DPY19L3: variants seen among roughly 807,000 people sequenced by gnomAD.
The protein encoded by DPY19L3 is dpy-19 like C-mannosyltransferase 3.
Under a neutral mutation model 92.3 loss-of-function variants are expected in DPY19L3, and 51 were observed. The observed-to-expected ratio is 0.55, with a 90% CI of 0.44 to 0.70. The LOEUF is 0.70. Ranked by LOEUF, DPY19L3 falls within the 30% of genes least tolerant of loss-of-function variation. The pLI is 0.00. For synonymous variants in DPY19L3, 309 were observed against 315.2 expected, an observed-to-expected ratio of 0.98 and a Z score of 0.21; for missense variants, 706 against 855.9, an observed-to-expected ratio of 0.82 and a Z score of 2.18.
At chr19:32,428,440 A>G (rs560197129) in intron 3 of DPY19L3, among the ~76,000 whole-genome samples, 26 of 152,202 alleles carry the variant, frequency 1.7e-4, no homozygotes, top group African/African-American at 6.0e-4. Flanking sequence ...CTCAACTTCT[A>G]GTACATCATG....
chr19:32,475,411 TC>T (rs1970477099), intron 16 of DPY19L3, among the ~76,000 whole-genome samples: 3 of 152,216 alleles, frequency 2.0e-5, no homozygotes, highest in Admixed American at 2.0e-4. Context: ...TCTCTCTGCA[TC>T]CTAAATCTGT....
chr19:32,409,462 A>G (rs1384543431), intron 2 of DPY19L3, among the ~76,000 whole-genome samples: 1 of 152,246 alleles, frequency 6.6e-6, no homozygotes, highest in Non-Finnish European at 1.5e-5. Context: ...TACAGACAGA[A>G]CTGTGATCAA....
Position 32,476,980 on chromosome 19 carries a change from T to TG in DPY19L3, c.1698-541dup, listed in dbSNP as rs552804826. Among the ~76,000 whole-genome samples, 18 of 152,292 alleles carry TG rather than the reference T, an allele frequency of 1.2e-4. No homozygotes were observed. In the East Asian group the frequency reaches 3.5e-3, roughly 29 times the overall value. On this transcript the variant is annotated intron_variant, in intron 16 of 18. Coordinates refer to ENST00000392250, the MANE Select transcript of DPY19L3 (RefSeq NM_001172774.2). ...AGCAAAAACCCTTGGAACTGACTCATGATCACCTGCAGTTTCTGGCTTGAT... is the reference window on the plus strand; with the variant it reads ...AGCAAAAACCCTTGGAACTGACTCATGGATCACCTGCAGTTTCTGGCTTGAT...
intron 4 of DPY19L3, among the ~76,000 whole-genome samples, chr19:32,435,598 C>CT (rs1171952316): frequency 2.0e-5 from 3 of 152,286 alleles, no homozygotes; most frequent in Middle Eastern, 3.4e-3. Flanking sequence ...TAGGAGTCTA[C>CT]TTTTTTATAA....
intron 17 of DPY19L3, 79 bp downstream of exon 17, chr19:32,477,733 G>A (rs1970555115): frequency 6.4e-7 from 1 of 1,566,834 alleles, no homozygotes; most frequent in African/African-American, 1.4e-5. Flanking sequence ...TAAAGATGGG[G>A]CTGAATGCTG....
intron 15 of DPY19L3, among the ~76,000 whole-genome samples, chr19:32,465,367 G>A (rs1970169746): frequency 1.3e-5 from 2 of 152,126 alleles, no homozygotes; most frequent in Admixed American, 6.5e-5. Context: ...AATGATCATT[G>A]GTCAGGTTGA....
chr19:32,470,284 A>G (rs911242902), intron 16 of DPY19L3, among the ~76,000 whole-genome samples: 1 of 152,372 alleles, frequency 6.6e-6, no homozygotes, highest in East Asian at 1.9e-4. Context: ...TTATTCGTGT[A>G]AAGGAAAGCT....
chr19:32,448,235 G>A (rs957461373), intron 8 of DPY19L3, among the ~76,000 whole-genome samples: 1 of 152,156 alleles, frequency 6.6e-6, no homozygotes, highest in South Asian at 2.1e-4. Flanking sequence ...TATGTGGGTC[G>A]TATGGAACAA....
At chr19:32,464,856 G>A in intron 15 of DPY19L3, 72 bp downstream of exon 15, 2 of 1,124,224 alleles carry the variant, frequency 1.8e-6, no homozygotes, top group South Asian at 1.8e-5. Flanking sequence ...AATATATTTT[G>A]TGTATTATTT....
intron 17 of DPY19L3, among the ~76,000 whole-genome samples, chr19:32,479,414 GC>G (rs1970606749): frequency 6.6e-6 from 1 of 152,084 alleles, no homozygotes. Flanking sequence ...CTAGGGTTAG[GC>G]CCCACACACT....
intron 6 of DPY19L3, 103 bp downstream of exon 6, chr19:32,437,442 T>C: frequency 7.3e-7 from 1 of 1,364,540 alleles, no homozygotes; most frequent in South Asian, 1.5e-5. Flanking sequence ...ATTTGTTTGG[T>C]TGGGAGCAGT....
Position 32,454,981 on chromosome 19 carries a change from CT to C in DPY19L3, c.1034del (p.Leu345CysfsTer10). ...AAGCTTCCTTAATAGGCTTGGGAAA[CT>C]TTTGTTACATTTATTTATGGTTTTA... The part of the protein sequence containing the change: ...TGSFLNRLGK[L>X]LLHLFMVLCL... On this transcript the variant is annotated frameshift_variant, in exon 10 of 19. Transcript: ENST00000392250. LOFTEE classifies it high-confidence loss of function. 1.9e-6 allele frequency: 3 copies of C among 1,573,046 alleles called. No homozygotes were observed. Among genetic ancestry groups the C allele is most frequent in the Non-Finnish European group, 1.7e-6 (2 of 1,168,478 alleles).
rs2145502289 is a variant in DPY19L3 at position 32,439,799 on chromosome 19, C to T, written c.744C>T (p.Phe248=). Residue 248 remains phenylalanine (F), a synonymous_variant, in exon 8 of 19, where the codon TTC becomes TTT. Coordinates refer to ENST00000392250, the MANE Select transcript of DPY19L3 (RefSeq NM_001172774.2). ...LSERLTLLAI[F]ISTFLFSLTW... is the part of the protein sequence containing the mutation. ...AGAGGCTGACACTTCTTGCCATTTT[C>T]ATATCAACTTTTCTCTTTAGTCTGA... 1.2e-6 allele frequency: 2 copies of T among 1,613,726 alleles called. No homozygotes were observed. The highest frequency in any genetic ancestry group is 1.1e-5 in the South Asian group (1 of 91,052).
At chr19:32,431,129 C>G (rs1470478842) in intron 3 of DPY19L3, among the ~76,000 whole-genome samples, 2 of 152,108 alleles carry the variant, frequency 1.3e-5, no homozygotes, top group African/African-American at 4.8e-5. Flanking sequence ...CCTGTAATCC[C>G]AGCACTTTGG....
At chr19:32,470,150 T>G (rs1970314089) in intron 16 of DPY19L3, among the ~76,000 whole-genome samples, 2 of 152,256 alleles carry the variant, frequency 1.3e-5, no homozygotes, top group Non-Finnish European at 2.9e-5. Context: ...TGAGTATAAT[T>G]TTTCACATAT....
At chr19:32,447,359 GA>G (rs1410457770) in intron 8 of DPY19L3, among the ~76,000 whole-genome samples, 1 of 152,074 alleles carries the variant, frequency 6.6e-6, no homozygotes, top group Admixed American at 6.6e-5. Context: ...TTCAAGCCAG[GA>G]GAAGAAAATA....
intron 8 of DPY19L3, among the ~76,000 whole-genome samples, chr19:32,443,844 A>C (rs1019591011): frequency 2.6e-5 from 4 of 151,976 alleles, no homozygotes; most frequent in African/African-American, 7.3e-5. Context: ...CAGATATTTG[A>C]AGTCAGTTTG....
At position 32,480,513 on chromosome 19, in the gene DPY19L3, C is replaced by T. The variant is rs748513392; in HGVS notation, c.1945C>T (p.Arg649Trp). Residue 649 changes from arginine (R) to tryptophan (W), a missense_variant, in exon 18 of 19, where the codon CGG (arginine) becomes TGG (tryptophan). Arg to Trp is a moderately radical substitution (Grantham distance 101). Transcript: ENST00000392250. ...CATCTGCTACGAGCGGAGGCACCGC[C>T]GGGGCTGCCGACTCCGGGACCTGCT... is the stretch of plus-strand genomic sequence containing the variant. ...DSICYERRHR[R>W]GCRLRDLLDI... 13 of 1,614,006 alleles carry T rather than the reference C, an allele frequency of 8.1e-6. No homozygotes were observed. The Admixed American group carries it at 8.3e-5, about 10-fold the overall frequency.
chr19:32,446,102 G>A (rs1268283618), intron 8 of DPY19L3, among the ~76,000 whole-genome samples: 1 of 152,144 alleles, frequency 6.6e-6, no homozygotes, highest in Non-Finnish European at 1.5e-5. Flanking sequence ...TAAATGGGAA[G>A]GGTAATGAGA....
Sources: allele counts gnomAD v4.1 joint callset (sites outside exome capture counted in the v4.1 genomes callset), GRCh38; gene constraint gnomAD v4.1.1; transcripts MANE v1.5; gene names NCBI Gene and HGNC (gene_info 2026-07-23, HGNC 2026-07-21).